FAM13A: variants seen among roughly 807,000 people sequenced by gnomAD.
FAM13A encodes the protein protein FAM13A.
In FAM13A, 76 loss-of-function variants were observed where a neutral mutation model predicts 129.6. The observed-to-expected ratio is 0.59, with a 90% CI of 0.49 to 0.71. The LOEUF (loss-of-function observed/expected upper bound fraction) is 0.71, where lower values mean the gene tolerates loss of function less well. Among genes scored for constraint, FAM13A ranks in the 30% least tolerant of loss-of-function variants. The pLI is 0.00. For synonymous variants in FAM13A, 443 were observed against 449.9 expected (o/e 0.98, Z 0.20); for missense variants, 1,108 against 1,249.3 (o/e 0.89, Z 1.70).
intron 5 of FAM13A, among the ~76,000 whole-genome samples, chr4:88,917,051 T>A (rs1750236739): frequency 6.6e-6 from 1 of 152,256 alleles, no homozygotes; most frequent in Non-Finnish European, 1.5e-5. Context: ...CTGACTCCTC[T>A]ACTTCAGTTT....
At chr4:88,935,243 T>C (rs1417062428) in intron 5 of FAM13A, among the ~76,000 whole-genome samples, 1 of 152,210 alleles carries the variant, frequency 6.6e-6, no homozygotes, top group Non-Finnish European at 1.5e-5. Context: ...AAGTTCTTTA[T>C]CTAGGTCCAA....
At chr4:88,987,838 C>CAAAAAAAAAAAAAAAAAAAAA (rs1158179811) in intron 4 of FAM13A, among the ~76,000 whole-genome samples, 2 of 71,192 alleles carry the variant, frequency 2.8e-5, no homozygotes, top group Non-Finnish European at 5.0e-5. Context: ...AGACTCCTCT[C>CAAAAAAAAAAAAAAAAAAAAA]AAAAAAAAAA....
At chr4:88,787,269 C>T (rs1484223819) in intron 10 of FAM13A, among the ~76,000 whole-genome samples, 1 of 152,080 alleles carries the variant, frequency 6.6e-6, no homozygotes, top group Admixed American at 6.5e-5. Flanking sequence ...GATTTAAGCC[C>T]AACCTTTCTT....
At chr4:88,883,775 C>T (rs978861347) in intron 6 of FAM13A, among the ~76,000 whole-genome samples, 6 of 151,682 alleles carry the variant, frequency 4.0e-5, no homozygotes, top group African/African-American at 1.5e-4. Context: ...TGAGACTAAC[C>T]ACAAAAAGAG....
At chr4:89,013,971 T>TG (rs896381834) in intron 3 of FAM13A, among the ~76,000 whole-genome samples, 76 of 152,034 alleles carry the variant, frequency 5.0e-4, no homozygotes, top group Non-Finnish European at 9.7e-4. Context: ...CCAGTCTGAG[T>TG]GAGTGTGGGC....
chr4:88,732,724 G>A (rs1428375269), intron 21 of FAM13A, among the ~76,000 whole-genome samples: 1 of 151,324 alleles, frequency 6.6e-6, no homozygotes, highest in East Asian at 1.9e-4. Flanking sequence ...GCTGCTTAAT[G>A]CACAAAATTT....
chr4:88,990,746 G>T, intron 4 of FAM13A: 1 of 402,558 alleles, frequency 2.5e-6, no homozygotes, highest in East Asian at 3.7e-5. Flanking sequence ...TTTAAATAAG[G>T]CTATTTGATT....
At chr4:88,910,124 T>G (rs2446301) in intron 5 of FAM13A, among the ~76,000 whole-genome samples, 114,228 of 152,024 alleles carry the variant, frequency 0.75, 43,219 homozygotes, top group Non-Finnish European at 0.79. Context: ...GGAATGGGTG[T>G]TATTCCAATG....
At chr4:89,028,820 T>C (rs1379136798) in intron 2 of FAM13A, among the ~76,000 whole-genome samples, 1 of 151,616 alleles carries the variant, frequency 6.6e-6, no homozygotes, top group Non-Finnish European at 1.5e-5. Context: ...TCTCAACTTA[T>C]CCAGATTTGT....
Position 88,991,067 on chromosome 4 carries a change from G to A in FAM13A, c.511C>T (p.Leu171Phe), listed in dbSNP as rs1397827008. 7 of 1,613,028 alleles carry A rather than the reference G, an allele frequency of 4.3e-6. No individual in the cohort carries two copies. The highest frequency in any genetic ancestry group is 5.9e-6 in the Non-Finnish European group (7 of 1,179,178). ...GCTACTTTTGTCAAGAACTGGCAAA[G>A]GTACTTGAGGAGGCAGTAGTGGGTG... ...PDTHYCLLKY[L>F]CQFLTKVAKH... The change falls in exon 4 of 24, where the codon CTT becomes TTT. Residue 171 changes from leucine (L) to phenylalanine (F), a missense_variant. Coordinates refer to ENST00000264344, the MANE Select transcript of FAM13A (RefSeq NM_014883.4).
At chr4:88,764,714 A>T (rs1745413867) in intron 13 of FAM13A, among the ~76,000 whole-genome samples, 1 of 152,166 alleles carries the variant, frequency 6.6e-6, no homozygotes, top group South Asian at 2.1e-4. Context: ...ATGTTATCTC[A>T]TTTCACATTG....
chr4:88,840,267 C>T (rs1578902566), intron 7 of FAM13A, among the ~76,000 whole-genome samples: 1 of 151,994 alleles, frequency 6.6e-6, no homozygotes, highest in East Asian at 1.9e-4. Flanking sequence ...TTGTTCTTAA[C>T]AAGAACACAT....
chr4:89,042,505 C>T (rs1272737011), intron 1 of FAM13A, among the ~76,000 whole-genome samples: 1 of 152,108 alleles, frequency 6.6e-6, no homozygotes, highest in Non-Finnish European at 1.5e-5. Context: ...TTATTCGTTA[C>T]CCTTACAGAA....
At chr4:89,048,141 C>A (rs1771099863) in intron 1 of FAM13A, among the ~76,000 whole-genome samples, 1 of 151,920 alleles carries the variant, frequency 6.6e-6, no homozygotes, top group African/African-American at 2.4e-5. Flanking sequence ...GGTACCTACC[C>A]AAAAGAAATG....
intron 13 of FAM13A, among the ~76,000 whole-genome samples, chr4:88,761,695 T>C (rs1455579465): frequency 6.6e-6 from 1 of 152,158 alleles, no homozygotes; most frequent in Non-Finnish European, 1.5e-5. Context: ...GCTAAGTAGA[T>C]GCTGGACTGT....
intron 5 of FAM13A, among the ~76,000 whole-genome samples, chr4:88,935,442 T>C (rs1753693582): frequency 1.3e-5 from 2 of 152,226 alleles, no homozygotes. Flanking sequence ...AGACTTGCCT[T>C]ATTCCCAACT....
intron 5 of FAM13A, among the ~76,000 whole-genome samples, chr4:88,935,548 A>G (rs1753711418): frequency 6.6e-6 from 1 of 152,184 alleles, no homozygotes; most frequent in Admixed American, 6.5e-5. Flanking sequence ...CTGAACTCAT[A>G]TGAAAAAATG....
chr4:88,992,922 T>TGAG (rs1579665871), intron 3 of FAM13A, among the ~76,000 whole-genome samples: 1 of 76,408 alleles, frequency 1.3e-5, no homozygotes, highest in East Asian at 3.2e-4. Flanking sequence ...GCCAGTTAAG[T>TGAG]GAAGAACAGA....
chr4:88,970,387 G>T (rs911898126), intron 4 of FAM13A, among the ~76,000 whole-genome samples: 1 of 151,312 alleles, frequency 6.6e-6, no homozygotes, highest in Non-Finnish European at 1.5e-5. Context: ...CCATGGAAAA[G>T]AAAATATCAC....
Sources: allele counts gnomAD v4.1 joint callset (sites outside exome capture counted in the v4.1 genomes callset), GRCh38; gene constraint gnomAD v4.1.1; transcripts MANE v1.5; gene names NCBI Gene and HGNC (gene_info 2026-07-23, HGNC 2026-07-21).